The following FGD2 variants were observed in gnomAD, a reference collection of about 807,000 sequenced individuals.
The protein encoded by FGD2 is FYVE, RhoGEF and PH domain containing 2.
A neutral mutation model predicts 75.9 loss-of-function variants in FGD2; 52 were observed. That is an observed-to-expected ratio of 0.69 (90% confidence interval 0.55 to 0.86). The LOEUF is 0.86. Ranked by LOEUF, FGD2 falls within the 40% of genes least tolerant of loss-of-function variation. The pLI is 0.00. For missense variants in FGD2, 790 were observed against 872.0 expected (o/e 0.91, Z 1.18); for synonymous variants, 347 against 348.6 (o/e 1.00, Z 0.05).
chr6:37,014,040 C>T lies in FGD2; in HGVS notation c.763C>T (p.Leu255=). Residue 255 remains leucine, a synonymous_variant, in exon 6 of 16, where the codon CTG becomes TTG. Transcript: ENST00000274963. ...GCAGAGAATTCCACGTTACGAGCTGCTGCTCAAGGAGTACATCCAGAAGCT... is the reference window on the plus strand; with the variant it reads ...GCAGAGAATTCCACGTTACGAGCTGTTGCTCAAGGAGTACATCCAGAAGCT... ...PVQRIPRYEL[L]LKEYIQKLPA... 4 of 1,614,178 alleles carry T rather than the reference C, an allele frequency of 2.5e-6. No homozygotes were observed. Among genetic ancestry groups the T allele is most frequent in the Non-Finnish European group, 3.4e-6 (4 of 1,180,008 alleles).
chr6:37,021,556 C>T lies in FGD2; in HGVS notation c.1278C>T (p.Thr426=). The T allele has an allele frequency of 1.2e-6, 2 of 1,614,044 alleles. No homozygotes were observed. The highest frequency in any genetic ancestry group is 1.7e-6 in the Non-Finnish European group (2 of 1,179,930). The change falls in exon 12 of 16, where the codon ACC becomes ACT. Residue 426 remains threonine (T), a synonymous_variant. Transcript: ENST00000274963. ...ACCAAATCGAGAAGCGGAATGAAAC[C>T]TTCAAGGCTGCGGCCCAGGGGCCTG... ...AIDQIEKRNE[T]FKAAAQGPEG...
At chr6:37,020,816 C>T in intron 11 of FGD2, 77 bp downstream of exon 11, 2 of 1,535,570 alleles carry the variant, frequency 1.3e-6, no homozygotes, top group Non-Finnish European at 1.8e-6. Context: ...TGGTACTAGA[C>T]TACCTTGATG....
chr6:37,028,358 A>C lies in FGD2; in HGVS notation c.*195A>C, dbSNP rs2150787179. 5.4e-6 allele frequency: 3 copies of C among 558,348 alleles called. No individual in the cohort carries two copies. Among genetic ancestry groups the C allele is most frequent in the South Asian group, 6.2e-5 (2 of 32,276 alleles). 34.6% of individuals were successfully genotyped at this position (558,348 alleles called of 1,614,324 possible). A position where few individuals can be genotyped will look rare whatever the true frequency, so the allele number is the denominator to read the frequency against. On this transcript the variant is annotated 3_prime_UTR_variant, in exon 16 of 16. Coordinates refer to ENST00000274963, the MANE Select transcript of FGD2 (RefSeq NM_173558.4). ...GTCCATTCCTTTCTAGAAAGGGGAC[A>C]ACCAAGTGTCTCAGTTTGCCTTGCG...
In FGD2 at chr6:37,025,944, G is replaced by T. The variant is rs763363153; in HGVS notation, c.1605+6G>T. 6.2e-7 allele frequency: 1 copy of T among 1,613,582 alleles called. No homozygotes were observed. Among genetic ancestry groups the T allele is most frequent in the Non-Finnish European group, 8.5e-7 (1 of 1,179,822 alleles). On this transcript the variant is annotated splice_donor_region_variant and intron_variant, in intron 14 of 15. Coordinates refer to ENST00000274963, the MANE Select transcript of FGD2 (RefSeq NM_173558.4). Reference sequence around the variant, plus strand: ...AGAGGCGGGGCATCCTGGAGGTGAGGGCCACTGTCCCCGCGCTCACCATCC... The same window carrying T: ...AGAGGCGGGGCATCCTGGAGGTGAGTGCCACTGTCCCCGCGCTCACCATCC...
intron 4 of FGD2, 177 bp downstream of exon 4, chr6:37,012,031 G>C (rs988296277): frequency 1.8e-5 from 12 of 650,374 alleles, no homozygotes; most frequent in Non-Finnish European, 3.0e-5. Context: ...AGCTCTGAGA[G>C]GCTGTGTGTG....
chr6:37,022,389 A>G lies in FGD2; in HGVS notation c.1458+19A>G. ...CGGCTATGTGAGTACTCCTGCCAGC[A>G]CTCCTGCCTCCACCTGCGTCACCCA... On this transcript the variant is annotated intron_variant, in intron 13 of 15. Coordinates refer to ENST00000274963, the MANE Select transcript of FGD2 (RefSeq NM_173558.4). 2.6e-6 allele frequency: 4 copies of G among 1,547,678 alleles called. No individual in the cohort carries two copies. The South Asian group carries it at 4.8e-5, about 19-fold the overall frequency.
At position 37,010,396 on chromosome 6, in the gene FGD2, A is replaced by G. The variant is rs183944584; in HGVS notation, c.301-577A>G. On this transcript the variant is annotated intron_variant, in intron 2 of 15. Coordinates refer to ENST00000274963, the MANE Select transcript of FGD2 (RefSeq NM_173558.4). ...ACTCTTATCATCGCATTTAACCTCA[A>G]TTACCTCCTCCAAGGCCTCATCTCC... is the stretch of plus-strand genomic sequence containing the variant. Among the ~76,000 whole-genome samples the G allele has an allele frequency of 2.6e-5, 4 of 152,252 alleles. No individual in the cohort carries two copies. In the East Asian group the frequency reaches 5.8e-4, roughly 22 times the overall value.
At chr6:37,011,116 G>A (rs1221453912) in intron 3 of FGD2, 66 bp downstream of exon 3, 2 of 1,470,714 alleles carry the variant, frequency 1.4e-6, no homozygotes, top group Non-Finnish European at 9.5e-7. Context: ...CCCCTTCTCA[G>A]CCTTCCCACC....
intron 4 of FGD2, 173 bp downstream of exon 4, chr6:37,012,027 G>T: frequency 1.5e-6 from 1 of 669,886 alleles, no homozygotes; most frequent in South Asian, 2.3e-5. Flanking sequence ...AATGAGCTCT[G>T]AGAGGCTGTG....
At chr6:37,025,479 T>G (rs1367552461) in intron 13 of FGD2, 1 of 377,254 alleles carries the variant, frequency 2.7e-6, no homozygotes, top group Non-Finnish European at 5.0e-6. Flanking sequence ...GCAAGCCCCT[T>G]GGGTTCACAG....
rs117359201 is a variant in FGD2, at chr6:37,022,018, C to A, written c.1327-221C>A. 1,458 of 587,046 alleles carry A rather than the reference C, an allele frequency of 2.5e-3. 28 individuals carry two copies. The Admixed American group carries it at 0.029, about 12-fold the overall frequency. The allele number at this position is 587,046 out of a possible 1,614,324, so 36.4% of individuals were successfully genotyped here. ...CTGAGTGACTGCTGAGTCATTTGAC[C>A]TCTCTGGGCCTCAGTTTCCTCACTT... On this transcript the variant is annotated intron_variant, in intron 12 of 15. Transcript: ENST00000274963.
chr6:37,022,246 C>G lies in FGD2; in HGVS notation c.1334C>G (p.Ser445Cys). Residue 445 changes from serine to cysteine, a missense_variant, in exon 13 of 16, where the codon TCT becomes TGT. Transcript: ENST00000274963. Reference sequence around the variant, plus strand: ...ACTCCCCTTAACCCACAGCTGCAGTCTGAGGAGCTGGGCCTCCGGGCACCG... The same window carrying G: ...ACTCCCCTTAACCCACAGCTGCAGTGTGAGGAGCTGGGCCTCCGGGCACCG... ...EGDIQEQELQ[S>C]EELGLRAPQW... 6.3e-7 allele frequency: 1 copy of G among 1,597,912 alleles called. No individual in the cohort carries two copies. The highest frequency in any genetic ancestry group is 8.5e-7 in the Non-Finnish European group (1 of 1,171,834).
intron 9 of FGD2, among the ~76,000 whole-genome samples, chr6:37,020,314 GC>G (rs1401338056): frequency 1.2e-5 from 1 of 84,028 alleles, no homozygotes; most frequent in Non-Finnish European, 2.2e-5. Flanking sequence ...CTTAGCTGCT[GC>G]TAAAATTCCA....
At chr6:37,009,291 G>A (rs1303944032) in intron 2 of FGD2, 2 of 498,608 alleles carry the variant, frequency 4.0e-6, no homozygotes, top group Non-Finnish European at 7.1e-6. Context: ...TCGTGTAGGA[G>A]TTTTTTGGAC....
chr6:37,005,825 G>C lies in FGD2; in HGVS notation c.8G>C (p.Gly3Ala). The part of the protein sequence containing the change: MK[G>A]ASEEKLASVS... ...ACCCCGGAAACCGGCAGGATGAAGG[G>C]GGCAAGTGAGGAGAAGCTGGCATCT... The change falls in exon 1 of 16, where the codon GGG becomes GCG. Residue 3 changes from glycine to alanine, a missense_variant. Gly to Ala is a moderately conservative substitution (Grantham distance 60). Transcript: ENST00000274963. 1 of 1,613,880 alleles carries C rather than the reference G, an allele frequency of 6.2e-7. No homozygotes were observed. The highest frequency in any genetic ancestry group is 8.5e-7 in the Non-Finnish European group (1 of 1,179,984).
intron 13 of FGD2, chr6:37,025,430 A>G (rs1298451760): frequency 3.7e-6 from 1 of 270,592 alleles, no homozygotes; most frequent in East Asian, 8.1e-5. Context: ...AGAGGACAGC[A>G]TTTGGAAAAG....
intron 9 of FGD2, among the ~76,000 whole-genome samples, chr6:37,017,844 A>T (rs1057319588): frequency 2.0e-5 from 3 of 152,194 alleles, no homozygotes; most frequent in Admixed American, 6.5e-5. Flanking sequence ...ATCTGGAGCA[A>T]TCCAGGGCCT....
intron 9 of FGD2, among the ~76,000 whole-genome samples, chr6:37,016,928 C>A (rs959776147): frequency 3.9e-5 from 6 of 152,084 alleles, no homozygotes; most frequent in Admixed American, 1.3e-4. Flanking sequence ...AAAATATATA[C>A]AATGAAAGTC....
At chr6:37,020,785 C>CTTTTTTCT (rs765776003) in intron 11 of FGD2, 46 bp downstream of exon 11, 10 of 1,549,338 alleles carry the variant, frequency 6.5e-6, no homozygotes, top group South Asian at 6.0e-5. Context: ...TCCTTTCTTT[C>CTTTTTTCT]TTTTTTCTTT....
Sources: gnomAD v4.1 joint callset for allele counts (sites outside exome capture counted in the v4.1 genomes callset) on GRCh38, gnomAD v4.1.1 for gene constraint, MANE v1.5 for transcripts, NCBI Gene and HGNC (gene_info 2026-07-23, HGNC 2026-07-21) for gene names.